GRK3: variants seen among roughly 807,000 people sequenced by gnomAD.
The protein encoded by GRK3 is G protein-coupled receptor kinase 3, also known as adrenergic, beta, receptor kinase 2.
Under a neutral mutation model 95.7 loss-of-function variants are expected in GRK3, and 54 were observed. The ratio of observed to expected loss-of-function variants is 0.56; its 90% confidence interval spans 0.45 to 0.71. The LOEUF is 0.71. GRK3 is among the 30% of genes least tolerant of loss of function. GRK3 has a pLI of 0.00. For missense variants in GRK3, 649 were observed against 851.2 expected, an observed-to-expected ratio of 0.76 and a Z score of 2.96; for synonymous variants, 281 against 290.8, an observed-to-expected ratio of 0.97 and a Z score of 0.34.
chr22:25,570,074 C>A (rs76311780), intron 1 of GRK3, among the ~76,000 whole-genome samples: 2 of 152,172 alleles, frequency 1.3e-5, no homozygotes, highest in African/African-American at 4.8e-5. Context: ...GATGAAACTG[C>A]GATACTTTTT....
intron 1 of GRK3, among the ~76,000 whole-genome samples, chr22:25,585,343 C>G (rs543196410): frequency 1.3e-5 from 2 of 152,314 alleles, no homozygotes; most frequent in East Asian, 3.9e-4. Flanking sequence ...GGCCATCTGC[C>G]CTGCTCATTT....
chr22:25,588,931 C>G (rs1164600131), intron 1 of GRK3, among the ~76,000 whole-genome samples: 1 of 151,970 alleles, frequency 6.6e-6, no homozygotes, highest in Non-Finnish European at 1.5e-5. Flanking sequence ...ACCATCTTGG[C>G]TAGCTTTTTA....
intron 16 of GRK3, 84 bp downstream of exon 16, chr22:25,710,048 T>C: frequency 9.4e-7 from 1 of 1,061,470 alleles, no homozygotes; most frequent in Non-Finnish European, 1.5e-6. Context: ...TGTCTCTGTC[T>C]CTCTATGCAC....
chr22:25,663,500 TTTG>T, intron 4 of GRK3, 127 bp from the exon 5 acceptor site: 1 of 585,296 alleles, frequency 1.7e-6, no homozygotes, highest in East Asian at 3.1e-5. Flanking sequence ...TTAAAGAATG[TTTG>T]TTAATATAAT....
intron 6 of GRK3, among the ~76,000 whole-genome samples, chr22:25,671,394 TA>T (rs1321916432): frequency 1.3e-5 from 2 of 152,178 alleles, no homozygotes; most frequent in Non-Finnish European, 2.9e-5. Flanking sequence ...TGCTCATTAA[TA>T]AAAAACGTAA....
chr22:25,587,347 T>C (rs1932349622), intron 1 of GRK3, among the ~76,000 whole-genome samples: 1 of 152,226 alleles, frequency 6.6e-6, no homozygotes, highest in South Asian at 2.1e-4. Context: ...ACATAGTCTC[T>C]TCTGTATTAT....
At chr22:25,671,776 G>A (rs972360624) in intron 6 of GRK3, among the ~76,000 whole-genome samples, 1 of 152,208 alleles carries the variant, frequency 6.6e-6, no homozygotes, top group Admixed American at 6.5e-5. Context: ...TTTTGTCTTA[G>A]AGCTGTGCTT....
chr22:25,690,500 G>C (rs565102781), intron 12 of GRK3, among the ~76,000 whole-genome samples: 1 of 152,302 alleles, frequency 6.6e-6, no homozygotes, highest in Admixed American at 6.5e-5. Context: ...CCTGCTCAGG[G>C]ACCAGGGTGG....
At chr22:25,712,554 G>A (rs1601545437) in intron 17 of GRK3, among the ~76,000 whole-genome samples, 1 of 152,236 alleles carries the variant, frequency 6.6e-6, no homozygotes, top group Non-Finnish European at 1.5e-5. Context: ...ATGTTAAAAA[G>A]AGATGATCAT....
chr22:25,606,644 C>T (rs1291825309), intron 2 of GRK3, among the ~76,000 whole-genome samples: 1 of 152,340 alleles, frequency 6.6e-6, no homozygotes, highest in African/African-American at 2.4e-5. Flanking sequence ...GTTTCACCCT[C>T]TGTCTGCCTA....
chr22:25,593,163 G>A (rs924401974), intron 1 of GRK3, among the ~76,000 whole-genome samples: 2 of 150,942 alleles, frequency 1.3e-5, no homozygotes, highest in African/African-American at 4.9e-5. Flanking sequence ...TTGGTAGAAC[G>A]ATTTATTTTC....
chr22:25,721,878 G>A (rs1015430948), intron 20 of GRK3, among the ~76,000 whole-genome samples: 2 of 152,122 alleles, frequency 1.3e-5, no homozygotes, highest in African/African-American at 4.8e-5. Context: ...AAATAAACAC[G>A]TATTAGATGC....
At chr22:25,667,190 G>A (rs2084947644) in intron 5 of GRK3, among the ~76,000 whole-genome samples, 1 of 152,072 alleles carries the variant, frequency 6.6e-6, no homozygotes, top group Non-Finnish European at 1.5e-5. Context: ...GACTCTAAGA[G>A]ATAGAAAATC....
At chr22:25,666,361 T>G (rs2084941659) in intron 5 of GRK3, among the ~76,000 whole-genome samples, 1 of 152,268 alleles carries the variant, frequency 6.6e-6, no homozygotes, top group African/African-American at 2.4e-5. Context: ...TTGACTCTTT[T>G]GAACCTCTTG....
chr22:25,648,367 G>T (rs2084802619), intron 3 of GRK3: 1 of 1,311,432 alleles, frequency 7.6e-7, no homozygotes, highest in Admixed American at 1.7e-5. Context: ...ACAACTGTGT[G>T]TCCAACTGTG....
At chr22:25,708,701 A>C in intron 15 of GRK3, among the ~76,000 whole-genome samples, 1 of 149,184 alleles carries the variant, frequency 6.7e-6, no homozygotes, top group Non-Finnish European at 1.5e-5. Flanking sequence ...TCACTCTGTC[A>C]CTCAGGCTGG....
At chr22:25,656,232 A>C (rs1336489063) in intron 3 of GRK3, among the ~76,000 whole-genome samples, 1 of 152,382 alleles carries the variant, frequency 6.6e-6, no homozygotes, top group South Asian at 2.1e-4. Context: ...AGATTTAAAA[A>C]TAAATAATGG....
chr22:25,663,607 AATATT>A lies in GRK3; in HGVS notation c.367-20_367-16del. 1 of 1,533,532 alleles carries A rather than the reference AATATT, an allele frequency of 6.5e-7. No homozygotes were observed. The highest frequency in any genetic ancestry group is 8.9e-7 in the Non-Finnish European group (1 of 1,119,924). The allele number at this position is 1,533,532 out of a possible 1,614,324, so 95.0% of individuals were successfully genotyped here. A position where few individuals can be genotyped will look rare whatever the true frequency, so the allele number is the denominator to read the frequency against. Reference sequence around the variant, plus strand: ...GATTGGTTACATTTTATTATTTAAAAATATTATTTTTGACTTTGATAGCCTTTCTC... The same window carrying A: ...GATTGGTTACATTTTATTATTTAAAAATTTTTGACTTTGATAGCCTTTCTC... On this transcript the variant is annotated intron_variant, in intron 4 of 20. Coordinates refer to ENST00000324198, the MANE Select transcript of GRK3 (RefSeq NM_005160.4).
chr22:25,702,904 T>C (rs754338005), intron 13 of GRK3: 82 of 455,892 alleles, frequency 1.8e-4, no homozygotes, highest in Middle Eastern at 1.3e-3. Flanking sequence ...AAGTCACAAC[T>C]TGAACCCAGC....
Sources: allele counts gnomAD v4.1 joint callset (sites outside exome capture counted in the v4.1 genomes callset), GRCh38; gene constraint gnomAD v4.1.1; transcripts MANE v1.5; gene names NCBI Gene and HGNC (gene_info 2026-07-23, HGNC 2026-07-21).